The following ARFIP2 variants were observed in gnomAD, a reference collection of about 807,000 sequenced individuals.
The protein encoded by ARFIP2 is ARF interacting protein 2, also known as arfaptin-2.
Under a neutral mutation model 39.2 loss-of-function variants are expected in ARFIP2, and 14 were observed. That is an observed-to-expected ratio of 0.36 (90% CI 0.24 to 0.56). The LOEUF (loss-of-function observed/expected upper bound fraction) is 0.56. Among genes scored for constraint, ARFIP2 ranks in the 20% least tolerant of loss-of-function variants. ARFIP2 has a pLI of 0.85. For missense variants in ARFIP2, 305 were observed against 422.5 expected, an observed-to-expected ratio of 0.72 and a Z score of 2.44; for synonymous variants, 167 against 172.4, an observed-to-expected ratio of 0.97 and a Z score of 0.24.
rs113342301 is a variant in ARFIP2, at chr11:6,478,279, C to T, written c.538-81G>A. On this transcript the variant is annotated intron_variant, in intron 5 of 7. Transcript: ENST00000396777. This position sits in a 1 kb window ranked among gnomAD's most constrained non-coding sequence, Gnocchi z 4.8. ...TGTAGAGCCCTTCATTCCCCTCCTC[C>T]CCGGGGAGGACACAGCCAGCAAAAC... The T allele has an allele frequency of 1.5e-5, 23 of 1,527,218 alleles. No individual in the cohort carries two copies. Among genetic ancestry groups the T allele is most frequent in the Non-Finnish European group, 2.0e-5 (22 of 1,115,582 alleles). 94.6% of individuals were successfully genotyped at this position (1,527,218 alleles called of 1,614,324 possible). A position where few individuals can be genotyped will look rare whatever the true frequency, so the allele number is the denominator to read the frequency against.
chr11:6,480,120 A>G, intron 2 of ARFIP2, 52 bp from the exon 3 acceptor site: 1 of 1,529,252 alleles, frequency 6.5e-7, no homozygotes, highest in Non-Finnish European at 9.0e-7. Flanking sequence ...CTGCAGAAGC[A>G]TTTTGGAGGT....
intron 3 of ARFIP2, chr11:6,479,742 G>A: frequency 1.7e-6 from 1 of 571,436 alleles, no homozygotes; most frequent in Non-Finnish European, 3.1e-6. Context: ...GACTCAGGTG[G>A]TGGCAGGGAA....
chr11:6,479,631 C>T (rs183475298), intron 3 of ARFIP2: 48 of 545,088 alleles, frequency 8.8e-5, no homozygotes, highest in Non-Finnish European at 1.5e-4. Context: ...CTGTTTGTTC[C>T]TCTAAACTTT....
Position 6,477,632 on chromosome 11 carries a change from C to T in ARFIP2, c.870+86G>A. Reference sequence around the variant, plus strand: ...CTACTCCCCAGCTAGGCTGCATTTCCTCATTCAATAATGGGGAGGGTCTGA... The same window carrying T: ...CTACTCCCCAGCTAGGCTGCATTTCTTCATTCAATAATGGGGAGGGTCTGA... On this transcript the variant is annotated intron_variant, in intron 7 of 7. Transcript: ENST00000396777. The surrounding 1 kb of genome is among the most constrained non-coding windows in gnomAD (Gnocchi z 4.8). 6.8e-7 allele frequency: 1 copy of T among 1,480,650 alleles called. No individual in the cohort carries two copies. The highest frequency in any genetic ancestry group is 9.2e-7 in the Non-Finnish European group (1 of 1,089,046). 91.7% of individuals were successfully genotyped at this position (1,480,650 alleles called of 1,614,324 possible).
At chr11:6,480,302 A>G (rs1851588489) in intron 2 of ARFIP2, 21 bp downstream of exon 2, 1 of 1,606,168 alleles carries the variant, frequency 6.2e-7, no homozygotes, top group East Asian at 2.3e-5. Context: ...TGAAACAATT[A>G]GAAGAATCAA....
chr11:6,479,113 GGGAAGGGA>G lies in ARFIP2; in HGVS notation c.315+19_315+26del. ...AAAAAGGTACCCATAAGGAGTTTTG[GGGAAGGGA>G]GAGGTGCTTAAATCCTACCTTATAG... On this transcript the variant is annotated intron_variant, in intron 4 of 7. Coordinates refer to ENST00000396777, the MANE Select transcript of ARFIP2 (RefSeq NM_001376558.2). 6.2e-7 allele frequency: 1 copy of G among 1,609,628 alleles called. No homozygotes were observed. Among genetic ancestry groups the G allele is most frequent in the Non-Finnish European group, 8.5e-7 (1 of 1,176,540 alleles).
At position 6,476,942 on chromosome 11, in the gene ARFIP2, G is replaced by A. The variant is rs530514856; in HGVS notation, c.*171C>T. ...CAGGGCAGCAACTTCTGGGCCTCCA[G>A]GCCCTCTTCCCACCATAGCAATGTG... On this transcript the variant is annotated 3_prime_UTR_variant, in exon 8 of 8. Transcript: ENST00000396777. 1.4e-6 allele frequency: 1 copy of A among 706,576 alleles called. No individual in the cohort carries two copies. Among genetic ancestry groups the A allele is most frequent in the African/African-American group, 1.8e-5 (1 of 55,748 alleles). The allele number at this position is 706,576 out of a possible 1,614,324, so 43.8% of individuals were successfully genotyped here. A position where few individuals can be genotyped will look rare whatever the true frequency, so the allele number is the denominator to read the frequency against.
Position 6,478,079 on chromosome 11 carries a change from T to C in ARFIP2, c.657A>G (p.Glu219=). ...SINTLVTKTM[E]DTLMTVKQYE... is the part of the protein sequence containing the mutation. ...ACTGTTTCACAGTCATGAGCGTGTC[T>C]TCCATGGTCTTGGTGACCAATGTGT... is the stretch of plus-strand genomic sequence containing the variant. The change falls in exon 6 of 8, where the codon GAA becomes GAG. Residue 219 remains glutamate (E), a synonymous_variant. Transcript: ENST00000396777. This position sits in a 1 kb window ranked among gnomAD's most constrained non-coding sequence, Gnocchi z 4.8. The C allele has an allele frequency of 1.9e-6, 3 of 1,614,094 alleles. No individual in the cohort carries two copies. Among genetic ancestry groups the C allele is most frequent in the Non-Finnish European group, 2.5e-6 (3 of 1,179,990 alleles).
chr11:6,477,505 G>A lies in ARFIP2; in HGVS notation c.870+213C>T, dbSNP rs1050958468. ...CCAGCTCAGGGGGTGATTTTTCCCA[G>A]TTATGTTCCTGGGACCAGCAGCCAA... On this transcript the variant is annotated intron_variant, in intron 7 of 7. Transcript: ENST00000396777. This position sits in a 1 kb window ranked among gnomAD's most constrained non-coding sequence, Gnocchi z 4.8. Among the ~76,000 whole-genome samples the A allele has an allele frequency of 1.3e-5, 2 of 152,136 alleles. No individual in the cohort carries two copies. The highest frequency in any genetic ancestry group is 4.8e-5 in the African/African-American group (2 of 41,416).
rs1177436674 is a variant in ARFIP2, at chr11:6,478,605, C to A, written c.537+133G>T. 2 of 1,475,672 alleles carry A rather than the reference C, an allele frequency of 1.4e-6. No individual in the cohort carries two copies. The highest frequency in any genetic ancestry group is 5.0e-5 in the East Asian group (2 of 40,228). The allele number at this position is 1,475,672 out of a possible 1,614,324, so 91.4% of individuals were successfully genotyped here. ...CTTAGGCTGCCTCCACAGGTGAGTGCTGCTGGGGGTAGGGCTGGGCCCACC... is the reference window on the plus strand; with the variant it reads ...CTTAGGCTGCCTCCACAGGTGAGTGATGCTGGGGGTAGGGCTGGGCCCACC... On this transcript the variant is annotated intron_variant, in intron 5 of 7. Coordinates refer to ENST00000396777, the MANE Select transcript of ARFIP2 (RefSeq NM_001376558.2). The surrounding 1 kb of genome is among the most constrained non-coding windows in gnomAD (Gnocchi z 4.8).
At chr11:6,479,342 C>A in intron 3 of ARFIP2, 84 bp from the exon 4 acceptor site, 1 of 1,609,128 alleles carries the variant, frequency 6.2e-7, no homozygotes, top group Non-Finnish European at 8.5e-7. Flanking sequence ...TCTTCGAGCA[C>A]ATGAAATTGA....
In ARFIP2 at chr11:6,479,172, T is replaced by C; in HGVS notation, c.283A>G (p.Ile95Val). Residue 95 changes from isoleucine (I) to valine (V), a missense_variant, in exon 4 of 8, where the codon ATC becomes GTC. Physicochemically the swap from Ile to Val is conservative, Grantham distance 29 (BLOSUM62 3). Around this residue, in one of 3 missense-constraint regions of ARFIP2, gnomAD observed 151 missense variants for 203.1 expected, o/e 0.74. Transcript: ENST00000396777. ...ARGIAGEKFD[I>V]VKKWGINTYK... ...GTGTTGATGCCCCATTTCTTGACGA[T>C]GTCAAACTTTTCTCCAGCAATGCCC... is the stretch of plus-strand genomic sequence containing the variant. 6.2e-7 allele frequency: 1 copy of C among 1,614,158 alleles called. No homozygotes were observed. Among genetic ancestry groups the C allele is most frequent in the African/African-American group, 1.3e-5 (1 of 75,024 alleles).
Position 6,480,746 on chromosome 11 carries a change from C to A in ARFIP2, c.-42-283G>T, listed in dbSNP as rs996119836. 6.1e-5 allele frequency: 15 copies of A among 247,568 alleles called. No individual in the cohort carries two copies. In the East Asian group the frequency reaches 1.5e-3, roughly 24 times the overall value. 15.3% of individuals were successfully genotyped at this position (247,568 alleles called of 1,614,324 possible). A position where few individuals can be genotyped will look rare whatever the true frequency, so the allele number is the denominator to read the frequency against. On this transcript the variant is annotated intron_variant, in intron 1 of 7. Transcript: ENST00000396777. Reference sequence around the variant, plus strand: ...TAGTGAGTGCCTACTATGTGTCAGGCACTATTTGTGACAATGAAAATACAA... The same window carrying A: ...TAGTGAGTGCCTACTATGTGTCAGGAACTATTTGTGACAATGAAAATACAA...
chr11:6,478,317 G>C lies in ARFIP2; in HGVS notation c.538-119C>G, dbSNP rs1851319984. The C allele has an allele frequency of 5.4e-6, 7 of 1,289,802 alleles. No homozygotes were observed. In the Admixed American group the frequency reaches 1.4e-4, roughly 26 times the overall value. 79.9% of individuals were successfully genotyped at this position (1,289,802 alleles called of 1,614,324 possible). On this transcript the variant is annotated intron_variant, in intron 5 of 7. Transcript: ENST00000396777. The surrounding 1 kb of genome is among the most constrained non-coding windows in gnomAD (Gnocchi z 4.8). Reference sequence around the variant, plus strand: ...CAGCCAGCAAAACTGGAACAACCAAGGACTGCCTCCAGCAAGGCTCTCTTA... The same window carrying C: ...CAGCCAGCAAAACTGGAACAACCAACGACTGCCTCCAGCAAGGCTCTCTTA...
rs1169630599 is a variant in ARFIP2, at chr11:6,480,313, A to T, written c.99+10T>A. On this transcript the variant is annotated intron_variant, in intron 2 of 7. Transcript: ENST00000396777. ...AAATTGAAACAATTAGAAGAATCAAACAGAAGCACCTGCTCCAGCCCATCA... is the reference window on the plus strand; with the variant it reads ...AAATTGAAACAATTAGAAGAATCAATCAGAAGCACCTGCTCCAGCCCATCA... The T allele has an allele frequency of 1.9e-6, 3 of 1,610,850 alleles. No individual in the cohort carries two copies. In the Admixed American group the frequency reaches 5.0e-5, roughly 27 times the overall value.
At position 6,478,454 on chromosome 11, in the gene ARFIP2, C is replaced by T; in HGVS notation, c.538-256G>A. ...ACAGTCTGAGAGCTAGTGTGGCAAG[C>T]AGGGGAGGGGCTCTGATTAGGCTGA... On this transcript the variant is annotated intron_variant, in intron 5 of 7. Transcript: ENST00000396777. The surrounding 1 kb of genome is among the most constrained non-coding windows in gnomAD (Gnocchi z 4.8). The T allele has an allele frequency of 9.5e-7, 1 of 1,057,002 alleles. No homozygotes were observed. Among genetic ancestry groups the T allele is most frequent in the Non-Finnish European group, 1.3e-6 (1 of 755,268 alleles). The allele number at this position is 1,057,002 out of a possible 1,614,324, so 65.5% of individuals were successfully genotyped here.
chr11:6,480,264 C>T (rs1851582761), intron 2 of ARFIP2, 59 bp downstream of exon 2: 4 of 1,547,114 alleles, frequency 2.6e-6, no homozygotes, highest in Non-Finnish European at 3.5e-6. Flanking sequence ...GGGTGAGAAC[C>T]TAGGATTTAT....
Position 6,478,278 on chromosome 11 carries a change from C to T in ARFIP2, c.538-80G>A. ...CTGTAGAGCCCTTCATTCCCCTCCT[C>T]CCCGGGGAGGACACAGCCAGCAAAA... On this transcript the variant is annotated intron_variant, in intron 5 of 7. Coordinates refer to ENST00000396777, the MANE Select transcript of ARFIP2 (RefSeq NM_001376558.2). This position sits in a 1 kb window ranked among gnomAD's most constrained non-coding sequence, Gnocchi z 4.8. 4.6e-6 allele frequency: 7 copies of T among 1,530,972 alleles called. No individual in the cohort carries two copies. The highest frequency in any genetic ancestry group is 5.4e-6 in the Non-Finnish European group (6 of 1,118,358). 94.8% of individuals were successfully genotyped at this position (1,530,972 alleles called of 1,614,324 possible).
chr11:6,479,698 A>AGG, intron 3 of ARFIP2: 1 of 547,698 alleles, frequency 1.8e-6, no homozygotes. Flanking sequence ...CAAGCTGTAG[A>AGG]GGGGGGGCAT....
Sources: gnomAD v4.1 joint callset for allele counts (sites outside exome capture counted in the v4.1 genomes callset) on GRCh38, gnomAD v4.1.1 for gene constraint, gnomAD v4.1.1 regional missense constraint, Gnocchi (gnomAD v3.1) non-coding constraint, MANE v1.5 for transcripts, NCBI Gene and HGNC (gene_info 2026-07-23, HGNC 2026-07-21) for gene names.